RPS7: variants seen among roughly 807,000 people sequenced by gnomAD.
The protein encoded by RPS7 is ribosomal protein S7.
RPS7 carries 1 observed loss-of-function variant against 22.1 expected under a neutral mutation model. The observed-to-expected ratio is 0.05, with a 90% confidence interval of 0.02 to 0.21. RPS7 has a LOEUF of 0.21. Among genes scored for constraint, RPS7 ranks in the 10% least tolerant of loss-of-function variants. RPS7 has a pLI of 1.00. For missense variants in RPS7, 137 were observed against 246.4 expected (o/e 0.56, Z 2.97); for synonymous variants, 80 against 92.0 (o/e 0.87, Z 0.74).
intron 3 of RPS7, 153 bp downstream of exon 3, chr2:3,576,041 C>G (rs1011156075): frequency 2.3e-5 from 16 of 693,204 alleles, no homozygotes; most frequent in South Asian, 2.1e-4. Context: ...GGGAGTGATA[C>G]CGCCCAGGTG....
intron 6 of RPS7, 66 bp from the exon 7 acceptor site, chr2:3,580,739 A>T: frequency 9.9e-7 from 1 of 1,005,886 alleles, no homozygotes; most frequent in South Asian, 1.3e-5. Flanking sequence ...AATTTCACGA[A>T]ACTATTAGGT....
At chr2:3,577,152 G>A (rs929405577) in intron 4 of RPS7, 7 of 193,450 alleles carry the variant, frequency 3.6e-5, no homozygotes, top group African/African-American at 9.5e-5. Context: ...TGGCTGACAC[G>A]GTGAAACCCC....
chr2:3,579,818 A>C (rs184217229), intron 5 of RPS7: 1 of 514,442 alleles, frequency 1.9e-6, no homozygotes, highest in East Asian at 3.5e-5. Context: ...CTCTAATCTC[A>C]CATTCCCTAG....
chr2:3,575,371 C>T lies in RPS7; in HGVS notation c.-19+21C>T, dbSNP rs542375330. On this transcript the variant is annotated intron_variant, in intron 1 of 6. Transcript: ENST00000645674. Reference sequence around the variant, plus strand: ...GCAAGGTAGGTTGGCGGCCTGCTCTCCGACAGAACTTTTCTTCTTGGGTTG... The same window carrying T: ...GCAAGGTAGGTTGGCGGCCTGCTCTTCGACAGAACTTTTCTTCTTGGGTTG... 8 of 558,536 alleles carry T rather than the reference C, an allele frequency of 1.4e-5. No individual in the cohort carries two copies. The South Asian group carries it at 1.5e-4, about 10-fold the overall frequency. 34.6% of individuals were successfully genotyped at this position (558,536 alleles called of 1,614,324 possible). A position where few individuals can be genotyped will look rare whatever the true frequency, so the allele number is the denominator to read the frequency against.
intron 5 of RPS7, chr2:3,579,397 C>T (rs140397611): frequency 2.0e-4 from 31 of 152,582 alleles, no homozygotes; most frequent in African/African-American, 6.5e-4. Context: ...GATAGGAAAT[C>T]CAAATGAGTA....
chr2:3,575,795 C>T, intron 2 of RPS7, 22 bp from the exon 3 acceptor site: 1 of 1,610,256 alleles, frequency 6.2e-7, no homozygotes, highest in Non-Finnish European at 8.5e-7. Flanking sequence ...CAGGGTCGGT[C>T]CTGCTGTTCG....
At chr2:3,576,392 C>T (rs1661280573) in intron 3 of RPS7, 95 bp from the exon 4 acceptor site, 4 of 1,037,932 alleles carry the variant, frequency 3.9e-6, no homozygotes, top group South Asian at 1.3e-5. Context: ...AGTGCAGCTA[C>T]GGTGTTAGTG....
At chr2:3,576,180 A>C in intron 3 of RPS7, 1 of 591,138 alleles carries the variant, frequency 1.7e-6, no homozygotes, top group Non-Finnish European at 3.0e-6. Flanking sequence ...AGATACGGCA[A>C]AGAGCTGTGG....
At chr2:3,576,718 G>C (rs765049261) in intron 4 of RPS7, 88 bp downstream of exon 4, 1 of 1,418,240 alleles carries the variant, frequency 7.1e-7, no homozygotes, top group Non-Finnish European at 1.0e-6. Context: ...TTGGAGTCAT[G>C]AAAACAATCC....
intron 6 of RPS7, 36 bp downstream of exon 6, chr2:3,580,296 C>CCACA: frequency 6.2e-7 from 1 of 1,601,052 alleles, no homozygotes; most frequent in Non-Finnish European, 8.6e-7. Flanking sequence ...AAAGGTTCAG[C>CCACA]CACAGTGAGA....
chr2:3,580,446 T>C (rs1661378850), intron 6 of RPS7, 186 bp downstream of exon 6: 5 of 698,164 alleles, frequency 7.2e-6, no homozygotes, highest in Non-Finnish European at 1.3e-5. Context: ...TTTCAAGAAT[T>C]GAACACTTGA....
chr2:3,575,767 G>T, intron 2 of RPS7, 50 bp from the exon 3 acceptor site: 1 of 1,598,240 alleles, frequency 6.3e-7, no homozygotes, highest in Non-Finnish European at 8.6e-7. Context: ...TTGGGCCCGG[G>T]GTGCTCGGAC....
intron 4 of RPS7, 65 bp from the exon 5 acceptor site, chr2:3,577,645 G>T: frequency 8.2e-7 from 1 of 1,216,300 alleles, no homozygotes; most frequent in South Asian, 1.2e-5. Flanking sequence ...CAGTATGGCA[G>T]TTACAGCTTT....
chr2:3,576,785 G>A (rs1040550205), intron 4 of RPS7, 155 bp downstream of exon 4: 3 of 959,334 alleles, frequency 3.1e-6, no homozygotes, highest in Non-Finnish European at 5.1e-6. Context: ...CGTGGCTTAG[G>A]CCTGTAATCC....
intron 3 of RPS7, chr2:3,576,091 C>A: frequency 1.6e-6 from 1 of 627,096 alleles, no homozygotes; most frequent in Non-Finnish European, 2.9e-6. Context: ...CTTAAGCTGT[C>A]CACATGCGGG....
In RPS7 at chr2:3,575,572, G is replaced by A; in HGVS notation, c.-18-20G>A. The A allele has an allele frequency of 1.3e-6, 2 of 1,586,054 alleles. No homozygotes were observed. The highest frequency in any genetic ancestry group is 1.1e-5 in the South Asian group (1 of 90,532). ...GCGCCTGCAGCCCGGGCCGCGTAAC[G>A]CTGACCGCTGTGCCTTCAGTTCTCC... On this transcript the variant is annotated intron_variant, in intron 1 of 6. Coordinates refer to ENST00000645674, the MANE Select transcript of RPS7 (RefSeq NM_001011.4).
intron 5 of RPS7, 123 bp from the exon 6 acceptor site, chr2:3,579,987 A>C (rs1661365053): frequency 1.1e-6 from 1 of 875,490 alleles, no homozygotes; most frequent in Non-Finnish European, 1.9e-6. Context: ...TTTGAAAATG[A>C]GTGTTAATTT....
Sources: gnomAD v4.1 joint callset for allele counts on GRCh38, gnomAD v4.1.1 for gene constraint, MANE v1.5 for transcripts, NCBI Gene and HGNC (gene_info 2026-07-23, HGNC 2026-07-21) for gene names.